Variants in GNB4 observed in about 807,000 individuals in gnomAD.
GNB4 encodes G protein subunit beta 4, also known as guanine nucleotide-binding protein subunit beta-4.
A neutral mutation model predicts 45.2 loss-of-function variants in GNB4; 28 were observed. The ratio of observed to expected loss-of-function variants is 0.62; its 90% CI spans 0.46 to 0.85. The LOEUF (loss-of-function observed/expected upper bound fraction) is 0.85. Ranked by LOEUF, GNB4 falls within the 40% of genes least tolerant of loss-of-function variation. The pLI is 0.00. For synonymous variants in GNB4, 132 were observed against 143.7 expected, an observed-to-expected ratio of 0.92 and a Z score of 0.58; for missense variants, 321 against 425.4, an observed-to-expected ratio of 0.75 and a Z score of 2.16.
chr3:179,429,392 A>G (rs1715239073), intron 1 of GNB4, among the ~76,000 whole-genome samples: 1 of 152,226 alleles, frequency 6.6e-6, no homozygotes. Flanking sequence ...GTTGAGTAAT[A>G]AAATCTTTTG....
chr3:179,397,495 T>C lies in GNB4; in HGVS notation c.*3718A>G, dbSNP rs1194222774. ...CCAGGAGACTAGTTTACTACTATCA[T>C]GCAATCGCTGAGGTCATATGAGTCT... is the stretch of plus-strand genomic sequence containing the variant. On this transcript the variant is annotated 3_prime_UTR_variant, in exon 10 of 10. Transcript: ENST00000232564. 1 of 152,402 alleles carries C rather than the reference T, an allele frequency of 6.6e-6. No homozygotes were observed. The highest frequency in any genetic ancestry group is 1.5e-5 in the Non-Finnish European group (1 of 68,040). The allele number at this position is 152,402 out of a possible 1,614,324, so 9.4% of individuals were successfully genotyped here.
At chr3:179,443,411 T>C (rs552385584) in intron 1 of GNB4, among the ~76,000 whole-genome samples, 5 of 152,190 alleles carry the variant, frequency 3.3e-5, no homozygotes, top group South Asian at 4.1e-4. Context: ...TGGTGGTGCA[T>C]GCCTGTAATG....
intron 9 of GNB4, among the ~76,000 whole-genome samples, chr3:179,403,654 G>A (rs747764786): frequency 1.2e-4 from 19 of 152,040 alleles, no homozygotes; most frequent in Non-Finnish European, 2.8e-4. Context: ...TTAGCTGGGC[G>A]TGGTGGTGTG....
chr3:179,396,611 T>C lies in GNB4; in HGVS notation c.*4602A>G, dbSNP rs896440695. 12 of 152,212 alleles carry C rather than the reference T, an allele frequency of 7.9e-5. No homozygotes were observed. Among genetic ancestry groups the C allele is most frequent in the Non-Finnish European group, 1.5e-5 (1 of 68,036 alleles). 9.4% of individuals were successfully genotyped at this position (152,212 alleles called of 1,614,324 possible). ...TTAACACCAGTTGGAATATAGCTTT[T>C]TCCCCCCCGTAATGCTGCTTTATCA... On this transcript the variant is annotated 3_prime_UTR_variant, in exon 10 of 10. Coordinates refer to ENST00000232564, the MANE Select transcript of GNB4 (RefSeq NM_021629.4).
chr3:179,434,020 A>G (rs1393196387), intron 1 of GNB4, among the ~76,000 whole-genome samples: 1 of 152,232 alleles, frequency 6.6e-6, no homozygotes, highest in African/African-American at 2.4e-5. Context: ...TAGAAATGGG[A>G]CATATTCAAT....
chr3:179,448,948 C>A (rs1559983963), intron 1 of GNB4, among the ~76,000 whole-genome samples: 1 of 152,140 alleles, frequency 6.6e-6, no homozygotes, highest in East Asian at 1.9e-4. Context: ...AGAAATGAGG[C>A]AGTCACTGAA....
At chr3:179,512,752 C>T in the GNB4 span, among the ~76,000 whole-genome samples, 2 of 152,078 alleles carry the variant, frequency 1.3e-5, no homozygotes, top group Non-Finnish European at 2.9e-5. Context: ...GTGTAATGAG[C>T]ATAAATATCT....
intron 1 of GNB4, among the ~76,000 whole-genome samples, chr3:179,431,692 C>A (rs1470220632): frequency 6.6e-6 from 1 of 152,138 alleles, no homozygotes; most frequent in African/African-American, 2.4e-5. Context: ...GATCTACCGG[C>A]TAGATTATAT....
intron 9 of GNB4, among the ~76,000 whole-genome samples, chr3:179,403,209 A>G (rs1334215382): frequency 6.6e-6 from 1 of 152,162 alleles, no homozygotes; most frequent in Non-Finnish European, 1.5e-5. Flanking sequence ...CCAGAGCTTC[A>G]AATGGTTTTA....
rs1418954620 is a variant in GNB4 at position 179,400,146 on chromosome 3, A to AC, written c.*1066_*1067insG. 7.9e-5 allele frequency: 12 copies of AC among 152,266 alleles called. No homozygotes were observed. The highest frequency in any genetic ancestry group is 2.9e-4 in the African/African-American group (12 of 41,468). The allele number at this position is 152,266 out of a possible 1,614,324, so 9.4% of individuals were successfully genotyped here. The stretch of plus-strand genomic sequence containing the variant: ...AACAGAACAAAAAGCTTAAAGGTTT[A>AC]AGAAATTTAAAGGCACAGATATTTC... On this transcript the variant is annotated 3_prime_UTR_variant, in exon 10 of 10. Coordinates refer to ENST00000232564, the MANE Select transcript of GNB4 (RefSeq NM_021629.4).
At chr3:179,464,869 T>C in the GNB4 span, 2 of 1,389,300 alleles carry the variant, frequency 1.4e-6, no homozygotes, top group Non-Finnish European at 2.0e-6. Flanking sequence ...TGTTACCGGC[T>C]ACCCCATGCG....
the GNB4 span, among the ~76,000 whole-genome samples, chr3:179,497,038 A>AT: frequency 6.6e-6 from 1 of 152,014 alleles, no homozygotes; most frequent in Non-Finnish European, 1.5e-5. Flanking sequence ...TTTGGGATTA[A>AT]TTTTTTCTTT....
chr3:179,425,959 T>C (rs1715135490), intron 2 of GNB4, among the ~76,000 whole-genome samples, 185 bp downstream of exon 2: 1 of 152,250 alleles, frequency 6.6e-6, no homozygotes, highest in South Asian at 2.1e-4. Flanking sequence ...GCAATGAATT[T>C]TGAAGAGTTC....
At chr3:179,502,692 A>T in the GNB4 span, among the ~76,000 whole-genome samples, 1 of 152,100 alleles carries the variant, frequency 6.6e-6, no homozygotes, top group Non-Finnish European at 1.5e-5. Context: ...GTGGTCTTTG[A>T]TATTTAAGCC....
chr3:179,399,748 T>C lies in GNB4; in HGVS notation c.*1465A>G, dbSNP rs929213020. On this transcript the variant is annotated 3_prime_UTR_variant, in exon 10 of 10. Coordinates refer to ENST00000232564, the MANE Select transcript of GNB4 (RefSeq NM_021629.4). ...AGGTTAAGTTACACATGTTCAAAAG[T>C]TAACACAGACCTATCTGAAAAGTAA... The C allele has an allele frequency of 2.6e-5, 4 of 152,300 alleles. No individual in the cohort carries two copies. The East Asian group carries it at 5.8e-4, about 22-fold the overall frequency. The allele number at this position is 152,300 out of a possible 1,614,324, so 9.4% of individuals were successfully genotyped here.
At position 179,396,709 on chromosome 3, in the gene GNB4, T is replaced by C. The variant is rs1314986210; in HGVS notation, c.*4504A>G. 2 of 150,804 alleles carry C rather than the reference T, an allele frequency of 1.3e-5. No homozygotes were observed. The highest frequency in any genetic ancestry group is 2.9e-5 in the Non-Finnish European group (2 of 67,856). The allele number at this position is 150,804 out of a possible 1,614,324, so 9.3% of individuals were successfully genotyped here. The stretch of plus-strand genomic sequence containing the variant: ...AGGAGATTTTATCAACATGCAAACA[T>C]TTGCTAAATACAAGGTGTACCATCA... On this transcript the variant is annotated 3_prime_UTR_variant, in exon 10 of 10. Transcript: ENST00000232564.
chr3:179,407,865 A>G (rs987157902), intron 8 of GNB4, among the ~76,000 whole-genome samples: 1 of 152,238 alleles, frequency 6.6e-6, no homozygotes. Flanking sequence ...GGAAAACCTC[A>G]TAATAACCTC....
chr3:179,408,779 G>A (rs1178123418), intron 8 of GNB4, among the ~76,000 whole-genome samples: 8 of 141,416 alleles, frequency 5.7e-5, no homozygotes, highest in South Asian at 2.3e-4. Context: ...GTGACAGAGC[G>A]AGAGTCAGTA....
chr3:179,520,740 A>T, the GNB4 span, among the ~76,000 whole-genome samples: 1 of 151,736 alleles, frequency 6.6e-6, no homozygotes, highest in Admixed American at 6.6e-5. Context: ...CTGATACCAC[A>T]CCTGACCCCC....
Sources: gnomAD v4.1 joint callset for allele counts (sites outside exome capture counted in the v4.1 genomes callset) on GRCh38, gnomAD v4.1.1 for gene constraint, MANE v1.5 for transcripts, NCBI Gene and HGNC (gene_info 2026-07-23, HGNC 2026-07-21) for gene names.